CAST: variants seen among roughly 807,000 people sequenced by gnomAD.
The protein encoded by CAST is calpastatin, also known as MIR583 host.
In CAST, 76 loss-of-function variants were observed where a neutral mutation model predicts 119.6. The ratio of observed to expected loss-of-function variants is 0.64; its 90% CI spans 0.53 to 0.77. The LOEUF (loss-of-function observed/expected upper bound fraction) is 0.77, where lower values mean the gene tolerates loss of function less well. Ranked by LOEUF, CAST falls within the 30% of genes least tolerant of loss-of-function variation. The pLI is 0.00. For missense variants in CAST, 953 were observed against 946.5 expected, an observed-to-expected ratio of 1.01 and a Z score of -0.09; for synonymous variants, 319 against 331.6, an observed-to-expected ratio of 0.96 and a Z score of 0.41.
chr5:96,211,669 A>G, the CAST span, among the ~76,000 whole-genome samples: 1 of 152,008 alleles, frequency 6.6e-6, no homozygotes, highest in South Asian at 2.1e-4. Flanking sequence ...TGAATTAGGC[A>G]TGTTATCTTA....
the CAST span, among the ~76,000 whole-genome samples, chr5:96,012,725 C>T: frequency 6.6e-6 from 1 of 152,186 alleles, no homozygotes; most frequent in Non-Finnish European, 1.5e-5. Flanking sequence ...GAATCATTGG[C>T]CCCTCCCCAA....
At chr5:96,456,120 A>G in the CAST span, among the ~76,000 whole-genome samples, 1 of 152,198 alleles carries the variant, frequency 6.6e-6, no homozygotes, top group Non-Finnish European at 1.5e-5. Context: ...TGACCGAAGG[A>G]TGACCCGAGC....
intron 1 of CAST, among the ~76,000 whole-genome samples, chr5:96,598,759 A>G (rs539710735): frequency 1.3e-5 from 2 of 152,292 alleles, no homozygotes; most frequent in African/African-American, 2.4e-5. Flanking sequence ...GGAGTAAAGC[A>G]CATTCCCTCC....
chr5:96,535,487 G>A (rs1745792869), intron 1 of CAST, among the ~76,000 whole-genome samples: 1 of 151,912 alleles, frequency 6.6e-6, no homozygotes, highest in South Asian at 2.1e-4. Context: ...GGAAGAACAG[G>A]CATAGGACAT....
chr5:96,399,057 G>T, the CAST span: 110 of 1,575,078 alleles, frequency 7.0e-5, no homozygotes, highest in Non-Finnish European at 9.0e-5. Flanking sequence ...TAAAGAATCA[G>T]CATTGAATAA....
At chr5:96,547,144 CCT>C in intron 1 of CAST, among the ~76,000 whole-genome samples, 1 of 144,430 alleles carries the variant, frequency 6.9e-6, no homozygotes, top group Non-Finnish European at 1.5e-5. Flanking sequence ...CTGTGTATTC[CCT>C]GGGGTTCTCC....
At chr5:96,464,684 T>C in the CAST span, among the ~76,000 whole-genome samples, 2 of 152,108 alleles carry the variant, frequency 1.3e-5, no homozygotes, top group Non-Finnish European at 2.9e-5. Context: ...GGCACTTTTA[T>C]TGTGAAACGT....
At chr5:96,004,670 T>C in the CAST span, among the ~76,000 whole-genome samples, 1 of 152,040 alleles carries the variant, frequency 6.6e-6, no homozygotes, top group South Asian at 2.1e-4. Context: ...GCCATTAGAG[T>C]TGATGATTGG....
At chr5:96,655,659 T>C (rs1022639528) in intron 1 of CAST, among the ~76,000 whole-genome samples, 2 of 152,240 alleles carry the variant, frequency 1.3e-5, no homozygotes, top group Non-Finnish European at 2.9e-5. Flanking sequence ...ATCTTAGTAG[T>C]AGGCAATTTA....
chr5:96,380,544 G>T, the CAST span, among the ~76,000 whole-genome samples: 3 of 152,034 alleles, frequency 2.0e-5, no homozygotes, highest in Non-Finnish European at 4.4e-5. Context: ...TGGTTATTCT[G>T]ACCTGAGTAT....
At chr5:95,970,365 G>A in the CAST span, 2 of 152,334 alleles carry the variant, frequency 1.3e-5, no homozygotes, top group South Asian at 2.1e-4. Context: ...GATCAGAGGA[G>A]GCTCTGTGTC....
the CAST span, among the ~76,000 whole-genome samples, chr5:96,186,834 G>A: frequency 4.6e-5 from 7 of 152,216 alleles, no homozygotes; most frequent in East Asian, 7.7e-4. Flanking sequence ...TCTCTGCCAC[G>A]TTTTGGTATT....
chr5:96,118,239 C>T, the CAST span, among the ~76,000 whole-genome samples: 1 of 151,360 alleles, frequency 6.6e-6, no homozygotes, highest in Non-Finnish European at 1.5e-5. Flanking sequence ...TTTTTTAAGG[C>T]CAACTTCACC....
the CAST span, among the ~76,000 whole-genome samples, chr5:95,993,325 T>C: frequency 2.0e-5 from 3 of 152,214 alleles, no homozygotes; most frequent in Admixed American, 2.0e-4. Context: ...ATGTAAGAGC[T>C]AAAGCTAGAA....
At chr5:96,554,233 G>A (rs985379409) in intron 1 of CAST, among the ~76,000 whole-genome samples, 3 of 152,054 alleles carry the variant, frequency 2.0e-5, no homozygotes, top group East Asian at 3.9e-4. Context: ...CAGAACAGAG[G>A]CCTCAGAAAT....
chr5:96,109,503 A>G, the CAST span, among the ~76,000 whole-genome samples: 1 of 152,194 alleles, frequency 6.6e-6, no homozygotes, highest in Non-Finnish European at 1.5e-5. Flanking sequence ...TTTGTTGTGG[A>G]ATTTACAAAT....
At chr5:96,370,809 C>T in the CAST span, among the ~76,000 whole-genome samples, 1 of 152,148 alleles carries the variant, frequency 6.6e-6, no homozygotes, top group Admixed American at 6.5e-5. Flanking sequence ...TAGAAGAAAG[C>T]ACATCTAATT....
At chr5:96,325,535 A>G in the CAST span, among the ~76,000 whole-genome samples, 1 of 149,252 alleles carries the variant, frequency 6.7e-6, no homozygotes, top group Non-Finnish European at 1.5e-5. Context: ...GCTGGAGTGC[A>G]GTGGTGTGAT....
the CAST span, among the ~76,000 whole-genome samples, chr5:96,041,308 A>G: frequency 6.6e-6 from 1 of 152,100 alleles, no homozygotes; most frequent in South Asian, 2.1e-4. Flanking sequence ...AAAACTCATA[A>G]CCCTAGTCTA....
Sources: gnomAD v4.1 joint callset for allele counts (sites outside exome capture counted in the v4.1 genomes callset) on GRCh38, gnomAD v4.1.1 for gene constraint, MANE v1.5 for transcripts, NCBI Gene and HGNC (gene_info 2026-07-23, HGNC 2026-07-21) for gene names.